TP53BP2: variants seen among roughly 807,000 people sequenced by gnomAD.
TP53BP2 encodes apoptosis-stimulating of p53 protein 2.
A neutral mutation model predicts 126.2 loss-of-function variants in TP53BP2; 62 were observed. That is an observed-to-expected ratio of 0.49 (90% confidence interval 0.40 to 0.61). The LOEUF is 0.61. Ranked by LOEUF, TP53BP2 falls within the 20% of genes least tolerant of loss-of-function variation. The probability of loss-of-function intolerance (pLI) is 0.00; values close to 1 mark genes in which losing one functional copy is unlikely to be tolerated. For missense variants in TP53BP2, 1,215 were observed against 1,402.8 expected (o/e 0.87, Z 2.14); for synonymous variants, 485 against 502.9 (o/e 0.96, Z 0.48).
Position 223,802,135 on chromosome 1 carries a change from C to T in TP53BP2, c.1206G>A (p.Gly402=), listed in dbSNP as rs144217750. 1 of 1,613,912 alleles carries T rather than the reference C, an allele frequency of 6.2e-7. No individual in the cohort carries two copies. The highest frequency in any genetic ancestry group is 1.3e-5 in the African/African-American group (1 of 74,866). ...TTTTACCTTTAGTTTGTGAAGCAGC[C>T]CCAGATCTCATGTTGGGCAGTGTCT... ...KIQTLPNMRS[G]AASQTKGSKI... Residue 402 remains glycine, a synonymous_variant, in exon 9 of 18, where the codon GGG becomes GGA. Coordinates refer to ENST00000343537, the MANE Select transcript of TP53BP2 (RefSeq NM_001031685.3).
At chr1:223,826,526 A>G (rs1253330774) in intron 1 of TP53BP2, among the ~76,000 whole-genome samples, 1 of 152,190 alleles carries the variant, frequency 6.6e-6, no homozygotes, top group African/African-American at 2.4e-5. Flanking sequence ...GGGTGTCAGG[A>G]GCTGCGGGAA....
chr1:223,785,281 C>T (rs1213588126), intron 16 of TP53BP2, among the ~76,000 whole-genome samples: 2 of 152,172 alleles, frequency 1.3e-5, no homozygotes, highest in African/African-American at 4.8e-5. Context: ...CCTGTATCAA[C>T]TAATGATATA....
chr1:223,806,369 T>C (rs778414816), intron 5 of TP53BP2, among the ~76,000 whole-genome samples: 1 of 152,106 alleles, frequency 6.6e-6, no homozygotes, highest in Non-Finnish European at 1.5e-5. Context: ...CAAAATGCTA[T>C]AGTAAGGACT....
intron 16 of TP53BP2, among the ~76,000 whole-genome samples, 183 bp downstream of exon 16, chr1:223,788,825 G>A (rs952947264): frequency 6.6e-6 from 1 of 152,174 alleles, no homozygotes; most frequent in Non-Finnish European, 1.5e-5. Flanking sequence ...CCTGACAATA[G>A]CTGTTTCTAA....
chr1:223,786,103 C>T (rs1002591076), intron 16 of TP53BP2, among the ~76,000 whole-genome samples: 5 of 152,066 alleles, frequency 3.3e-5, no homozygotes, highest in East Asian at 1.9e-4. Flanking sequence ...ACAGGCAACA[C>T]GAGTGAATCT....
rs1419303529 is a variant in TP53BP2, at chr1:223,831,474, AAAAAAAATATATATAT to A, written c.28-10123_28-10108del. 1.1e-3 allele frequency among the ~76,000 whole-genome samples: 80 copies of A among 72,196 alleles called. 2 individuals carry two copies. The highest frequency in any genetic ancestry group is 1.7e-3 in the Non-Finnish European group (72 of 42,488). The allele number at this position is 72,196 out of a possible 152,430, so 47.4% of individuals were successfully genotyped here. On this transcript the variant is annotated intron_variant, in intron 1 of 17. Transcript: ENST00000343537. ...CACACATATGTACCATCTAAAAAAA[AAAAAAAATATATATAT>A]ATATATATATATATATATATATATA...
chr1:223,802,919 A>C, intron 7 of TP53BP2, 24 bp from the exon 8 acceptor site: 1 of 1,613,110 alleles, frequency 6.2e-7, no homozygotes, highest in Non-Finnish European at 8.5e-7. Context: ...AGGGGAAAAA[A>C]GGTAGCCAAG....
intron 4 of TP53BP2, among the ~76,000 whole-genome samples, chr1:223,809,234 T>A (rs1457957822): frequency 6.6e-6 from 1 of 152,148 alleles, no homozygotes; most frequent in Non-Finnish European, 1.5e-5. Context: ...ATTTTTATCA[T>A]CTGCATTTCA....
At chr1:223,804,024 C>T (rs1472246165) in intron 6 of TP53BP2, 150 bp downstream of exon 6, 2 of 763,914 alleles carry the variant, frequency 2.6e-6, no homozygotes, top group East Asian at 5.1e-5. Flanking sequence ...TGGCTTGCAC[C>T]TGTAACCCCA....
chr1:223,808,720 T>C (rs1303232397), intron 4 of TP53BP2, among the ~76,000 whole-genome samples: 1 of 146,104 alleles, frequency 6.8e-6, no homozygotes, highest in Non-Finnish European at 1.5e-5. Context: ...ACTAAAAGTA[T>C]GCTCCATTAA....
chr1:223,822,102 C>T (rs34552997), intron 1 of TP53BP2, among the ~76,000 whole-genome samples: 9,114 of 152,002 alleles, frequency 0.06, 394 homozygotes, highest in Middle Eastern at 0.18. Context: ...TTAGTAGAGA[C>T]GGGGTTTCAT....
At chr1:223,839,647 A>G (rs903949753) in intron 1 of TP53BP2, among the ~76,000 whole-genome samples, 4 of 152,366 alleles carry the variant, frequency 2.6e-5, no homozygotes, top group African/African-American at 9.6e-5. Context: ...AAACAACTGA[A>G]GTGAAAGTTC....
At chr1:223,821,533 G>A in intron 1 of TP53BP2, 166 bp from the exon 2 acceptor site, 1 of 879,684 alleles carries the variant, frequency 1.1e-6, no homozygotes, top group Non-Finnish European at 1.9e-6. Context: ...GGGGTTGAGG[G>A]AGACCTGGAG....
intron 16 of TP53BP2, 150 bp downstream of exon 16, chr1:223,788,858 A>G (rs1442587686): frequency 1.4e-6 from 1 of 717,068 alleles, no homozygotes; most frequent in Non-Finnish European, 2.3e-6. Flanking sequence ...AAGCTGTATT[A>G]TCTGTGACCA....
chr1:223,831,474 A>ATATATATAT (rs1553263410), intron 1 of TP53BP2, among the ~76,000 whole-genome samples: 1 of 72,210 alleles, frequency 1.4e-5, no homozygotes, highest in South Asian at 4.4e-4. Context: ...TCTAAAAAAA[A>ATATATATAT]AAAAAAATAT....
At chr1:223,803,968 T>C (rs187070175) in intron 6 of TP53BP2, among the ~76,000 whole-genome samples, 44 of 152,286 alleles carry the variant, frequency 2.9e-4, no homozygotes, top group Non-Finnish European at 5.3e-4. Flanking sequence ...GTAAATTATA[T>C]TTTTTCAAAA....
Position 223,798,634 on chromosome 1 carries a change from G to C in TP53BP2, c.1529C>G (p.Thr510Arg), listed in dbSNP as rs150129334. 8.1e-6 allele frequency: 13 copies of C among 1,613,732 alleles called. No individual in the cohort carries two copies. In the East Asian group the frequency reaches 2.7e-4, roughly 33 times the overall value. Residue 510 changes from threonine (T) to arginine (R), a missense_variant, in exon 12 of 18, where the codon ACA becomes AGA. Transcript: ENST00000343537. ...AGGCAAATTAATCTGTTTTGGTTTT[G>C]TAGGAACAGGAGGTGGTACTTTAGC... is the stretch of plus-strand genomic sequence containing the variant. ...NVAKVPPPVP[T>R]KPKQINLPYF...
chr1:223,783,277 G>C (rs928755786), intron 17 of TP53BP2, among the ~76,000 whole-genome samples: 3 of 152,156 alleles, frequency 2.0e-5, no homozygotes, highest in Admixed American at 6.5e-5. Flanking sequence ...CTGCAGCCTG[G>C]ATATCCAGAT....
At chr1:223,815,837 T>C (rs1663066604) in intron 2 of TP53BP2, among the ~76,000 whole-genome samples, 1 of 152,242 alleles carries the variant, frequency 6.6e-6, no homozygotes, top group Admixed American at 6.5e-5. Flanking sequence ...TACAACTGCC[T>C]ACAGTATTCA....
Sources: allele counts gnomAD v4.1 joint callset (sites outside exome capture counted in the v4.1 genomes callset), GRCh38; gene constraint gnomAD v4.1.1; transcripts MANE v1.5; gene names NCBI Gene and HGNC (gene_info 2026-07-23, HGNC 2026-07-21).